Variants in RNGTT observed in about 807,000 individuals in gnomAD.
RNGTT encodes the protein RNA guanylyltransferase and 5'-phosphatase.
In RNGTT, 33 loss-of-function variants were observed where a neutral mutation model predicts 79.3. That is an observed-to-expected ratio of 0.42 (90% CI 0.32 to 0.56). The LOEUF (loss-of-function observed/expected upper bound fraction) is 0.56, where lower values mean the gene tolerates loss of function less well. Ranked by LOEUF, RNGTT falls within the 20% of genes least tolerant of loss-of-function variation. The pLI is 0.17. For missense variants in RNGTT, 497 were observed against 739.1 expected (o/e 0.67, Z 3.80); for synonymous variants, 222 against 235.9 (o/e 0.94, Z 0.54).
intron 14 of RNGTT, among the ~76,000 whole-genome samples, chr6:88,636,142 C>T (rs1390589405): frequency 1.3e-5 from 2 of 151,970 alleles, no homozygotes; most frequent in Admixed American, 1.3e-4. Flanking sequence ...ATATCTCCAG[C>T]ACCTCCCTGT....
chr6:88,957,754 T>C (rs1174904954), intron 1 of RNGTT, among the ~76,000 whole-genome samples: 2 of 152,068 alleles, frequency 1.3e-5, no homozygotes, highest in African/African-American at 4.8e-5. Flanking sequence ...TGGAAACACA[T>C]CCCATGCTCA....
intron 14 of RNGTT, among the ~76,000 whole-genome samples, chr6:88,668,433 AT>A (rs1427012008): frequency 1.3e-5 from 2 of 152,100 alleles, no homozygotes; most frequent in African/African-American, 4.8e-5. Flanking sequence ...CGTGGGACTC[AT>A]TTTTCTCAAA....
intron 11 of RNGTT, among the ~76,000 whole-genome samples, chr6:88,817,490 TAAAAAAAAA>T (rs11354100): frequency 4.5e-5 from 2 of 44,564 alleles, no homozygotes; most frequent in East Asian, 8.0e-4. Context: ...AAAAAATAAG[TAAAAAAAAA>T]AAAAAAAAAA....
chr6:88,665,831 T>C (rs1406406911), intron 14 of RNGTT, among the ~76,000 whole-genome samples: 2 of 152,214 alleles, frequency 1.3e-5, no homozygotes, highest in Non-Finnish European at 2.9e-5. Context: ...GGACGCCCCA[T>C]GGCAGTCGGG....
At chr6:88,888,468 C>A (rs1212852101) in intron 8 of RNGTT, among the ~76,000 whole-genome samples, 1 of 151,752 alleles carries the variant, frequency 6.6e-6, no homozygotes, top group East Asian at 1.9e-4. Context: ...TTCATTTATC[C>A]ATCAAAAACA....
At chr6:88,734,047 A>G (rs1777204341) in intron 13 of RNGTT, among the ~76,000 whole-genome samples, 1 of 152,132 alleles carries the variant, frequency 6.6e-6, no homozygotes, top group African/African-American at 2.4e-5. Flanking sequence ...ACGGTAATAT[A>G]AAATATTTTG....
chr6:88,649,426 C>T (rs1363162187), intron 14 of RNGTT, among the ~76,000 whole-genome samples: 2 of 152,288 alleles, frequency 1.3e-5, no homozygotes, highest in Non-Finnish European at 2.9e-5. Flanking sequence ...TAGCCGGGCG[C>T]GGTGGCTCAC....
chr6:88,844,579 A>C, intron 10 of RNGTT, 58 bp from the exon 11 acceptor site: 2 of 1,488,988 alleles, frequency 1.3e-6, no homozygotes, highest in Non-Finnish European at 9.2e-7. Flanking sequence ...TATCAGCATA[A>C]TTATCAAGGC....
In RNGTT at chr6:88,908,228, T is replaced by C. The variant is rs143815734; in HGVS notation, c.368-1788A>G. Among the ~76,000 whole-genome samples, 212 of 152,056 alleles carry C rather than the reference T, an allele frequency of 1.4e-3. 2 individuals carry two copies. Among genetic ancestry groups the C allele is most frequent in the Middle Eastern group, 3.4e-3 (1 of 294 alleles). On this transcript the variant is annotated intron_variant, in intron 4 of 15. Transcript: ENST00000369485. ...TAGATAAAACACAAAAAGCATAAAA[T>C]GAAGAAAAATACTGATAAATTAGAC...
chr6:88,657,104 A>C (rs947598240), intron 14 of RNGTT, among the ~76,000 whole-genome samples: 2 of 152,312 alleles, frequency 1.3e-5, no homozygotes, highest in African/African-American at 4.8e-5. Context: ...GAACCACCAA[A>C]GAAACATACC....
At position 88,709,305 on chromosome 6, in the gene RNGTT, C is replaced by CAA. The variant is rs34297987; in HGVS notation, c.1440-30888_1440-30887dup. The stretch of plus-strand genomic sequence containing the variant: ...GGGTGACAGAGTGAGACTCAGTCTT[C>CAA]AAAAAAAAAAAAGGAGGATTAAGAA... On this transcript the variant is annotated intron_variant, in intron 13 of 15. Coordinates refer to ENST00000369485, the MANE Select transcript of RNGTT (RefSeq NM_003800.5). Among the ~76,000 whole-genome samples, 231 of 138,706 alleles carry CAA rather than the reference C, an allele frequency of 1.7e-3. 2 individuals are homozygous for CAA. Among genetic ancestry groups the CAA allele is most frequent in the East Asian group, 4.6e-3 (21 of 4,572 alleles). 91.0% of individuals were successfully genotyped at this position (138,706 alleles called of 152,430 possible). A position where few individuals can be genotyped will look rare whatever the true frequency, so the allele number is the denominator to read the frequency against.
At chr6:88,810,172 T>A (rs1780091944) in intron 11 of RNGTT, among the ~76,000 whole-genome samples, 1 of 151,992 alleles carries the variant, frequency 6.6e-6, no homozygotes, top group African/African-American at 2.4e-5. Context: ...TTTCATAATC[T>A]CAGATATAAA....
chr6:88,950,848 A>G (rs1481880070), intron 1 of RNGTT, among the ~76,000 whole-genome samples: 1 of 148,172 alleles, frequency 6.7e-6, no homozygotes, highest in African/African-American at 2.5e-5. Flanking sequence ...ATATAAATAA[A>G]TAACTGTTTT....
intron 11 of RNGTT, among the ~76,000 whole-genome samples, chr6:88,813,387 A>T (rs1037531948): frequency 1.3e-5 from 2 of 151,816 alleles, no homozygotes; most frequent in Non-Finnish European, 2.9e-5. Flanking sequence ...CCCTGAACAC[A>T]CTCCCTAAAC....
At chr6:88,898,876 C>T (rs1218367944) in intron 6 of RNGTT, among the ~76,000 whole-genome samples, 3 of 147,454 alleles carry the variant, frequency 2.0e-5, no homozygotes, top group Admixed American at 1.3e-4. Context: ...AAAAAAAAAA[C>T]TCATCTTTAA....
intron 4 of RNGTT, among the ~76,000 whole-genome samples, chr6:88,923,374 G>C (rs1003546111): frequency 6.6e-6 from 1 of 152,150 alleles, no homozygotes; most frequent in Admixed American, 6.5e-5. Context: ...TGAGTCAAGA[G>C]AAACACTTTT....
chr6:88,882,563 A>G (rs1170542570), intron 8 of RNGTT, among the ~76,000 whole-genome samples: 1 of 151,912 alleles, frequency 6.6e-6, no homozygotes, highest in Non-Finnish European at 1.5e-5. Flanking sequence ...AAATTTAAAA[A>G]TTCAAAAATT....
At chr6:88,843,149 CAA>C (rs34225763) in intron 11 of RNGTT, among the ~76,000 whole-genome samples, 41 of 129,332 alleles carry the variant, frequency 3.2e-4, no homozygotes, top group African/African-American at 3.4e-4. Flanking sequence ...GCCTACAGAT[CAA>C]AAAAAAAAAA....
chr6:88,791,598 G>A (rs1286883626), intron 12 of RNGTT, among the ~76,000 whole-genome samples: 1 of 151,952 alleles, frequency 6.6e-6, no homozygotes, highest in Non-Finnish European at 1.5e-5. Flanking sequence ...GGAGTGCAGT[G>A]GCACAATCTC....
Sources: gnomAD v4.1 joint callset for allele counts (sites outside exome capture counted in the v4.1 genomes callset) on GRCh38, gnomAD v4.1.1 for gene constraint, MANE v1.5 for transcripts, NCBI Gene and HGNC (gene_info 2026-07-23, HGNC 2026-07-21) for gene names.